Variants in CLUAP1 observed in about 807,000 individuals in gnomAD.
The protein encoded by CLUAP1 is clusterin-associated protein 1.
A neutral mutation model predicts 55.0 loss-of-function variants in CLUAP1; 50 were observed. The ratio of observed to expected loss-of-function variants is 0.91; its 90% CI spans 0.72 to 1.15. CLUAP1 has a LOEUF of 1.15. CLUAP1 is among the 50% of genes most tolerant of loss of function. CLUAP1 has a pLI of 0.00. For missense variants in CLUAP1, 530 were observed against 507.6 expected (o/e 1.04, Z -0.42); for synonymous variants, 195 against 175.4 (o/e 1.11, Z -0.88).
intron 9 of CLUAP1, among the ~76,000 whole-genome samples, chr16:3,527,819 T>G (rs1361603148): frequency 6.6e-6 from 1 of 152,158 alleles, no homozygotes; most frequent in Non-Finnish European, 1.5e-5. Context: ...TCTCTCTGCC[T>G]CAGCTGCCAG....
rs141100270 is a variant in CLUAP1, at chr16:3,512,177, A to C, written c.400-206A>C. Among the ~76,000 whole-genome samples the C allele has an allele frequency of 4.6e-3, 586 of 127,436 alleles. 9 individuals are homozygous for C. The highest frequency in any genetic ancestry group is 0.046 in the East Asian group (200 of 4,392). The allele number at this position is 127,436 out of a possible 152,430, so 83.6% of individuals were successfully genotyped here. On this transcript the variant is annotated intron_variant, in intron 4 of 11. Coordinates refer to ENST00000576634, the MANE Select transcript of CLUAP1 (RefSeq NM_015041.3). ...CTCCAGCCTAGGCAACAAGAACGAA[A>C]CTCCGTCTCAAAAAAAAAAAAAAAA...
At position 3,526,467 on chromosome 16, in the gene CLUAP1, G is replaced by A. The variant is rs142437945; in HGVS notation, c.911G>A (p.Arg304His). 3.8e-5 allele frequency: 61 copies of A among 1,607,718 alleles called. No individual in the cohort carries two copies. The highest frequency in any genetic ancestry group is 1.3e-4 in the African/African-American group (10 of 74,542). ...AACAAGCTCAAGGAGGAAGAGAAGC[G>A]CCTGCTCAAGAGTGGAAGTAAGGCT... is the stretch of plus-strand genomic sequence containing the variant. Reference protein sequence around the residue: ...IQNKLKEEEKRLLKSGSNDDS... With the variant: ...IQNKLKEEEKHLLKSGSNDDS... The change falls in exon 9 of 12, where the codon CGC becomes CAC. Residue 304 changes from arginine to histidine, a missense_variant. Arg to His is a conservative substitution (Grantham distance 29, BLOSUM62 0). Coordinates refer to ENST00000576634, the MANE Select transcript of CLUAP1 (RefSeq NM_015041.3).
intron 9 of CLUAP1, among the ~76,000 whole-genome samples, chr16:3,526,848 T>C (rs1407510054): frequency 6.6e-6 from 1 of 152,188 alleles, no homozygotes; most frequent in Non-Finnish European, 1.5e-5. Context: ...TTATATATGA[T>C]GCGTAACTAT....
At chr16:3,519,858 C>A in intron 6 of CLUAP1, 45 bp from the exon 7 acceptor site, 1 of 1,540,000 alleles carries the variant, frequency 6.5e-7, no homozygotes. Flanking sequence ...ATTAGGATGG[C>A]TGTTTTTATT....
At chr16:3,518,642 C>T (rs566646102) in intron 6 of CLUAP1, among the ~76,000 whole-genome samples, 1 of 152,322 alleles carries the variant, frequency 6.6e-6, no homozygotes, top group Non-Finnish European at 1.5e-5. Context: ...ACCCACCTTT[C>T]TTCCTGTGAG....
intron 6 of CLUAP1, among the ~76,000 whole-genome samples, chr16:3,518,877 T>C (rs1365284334): frequency 6.6e-6 from 1 of 152,116 alleles, no homozygotes; most frequent in Admixed American, 6.5e-5. Context: ...GTGGAGCCCA[T>C]AGCTTTTCAG....
chr16:3,530,157 G>C (rs910605571), intron 9 of CLUAP1, among the ~76,000 whole-genome samples: 3 of 151,528 alleles, frequency 2.0e-5, no homozygotes, highest in Admixed American at 1.3e-4. Context: ...TTTATAACCA[G>C]CATTAATCCA....
chr16:3,506,273 C>G, intron 2 of CLUAP1, 58 bp from the exon 3 acceptor site: 1 of 1,395,200 alleles, frequency 7.2e-7, no homozygotes, highest in Non-Finnish European at 1.0e-6. Flanking sequence ...CCCACATTCT[C>G]TTTAGTAGAC....
intron 9 of CLUAP1, among the ~76,000 whole-genome samples, chr16:3,529,529 A>G (rs1414487256): frequency 5.1e-5 from 3 of 58,812 alleles, no homozygotes; most frequent in African/African-American, 2.5e-4. Flanking sequence ...ATATATTATT[A>G]TATGTTATAT....
rs1329498449 is a variant in CLUAP1, at chr16:3,529,700, A to ATTC, written c.929-866_929-865insCTT. ...TATTATATATTATTATATATTATAT[A>ATTC]TTATATATTATATAATATTATATAT... On this transcript the variant is annotated intron_variant, in intron 9 of 11. Coordinates refer to ENST00000576634, the MANE Select transcript of CLUAP1 (RefSeq NM_015041.3). 1.7e-3 allele frequency among the ~76,000 whole-genome samples: 47 copies of ATTC among 26,946 alleles called. 3 individuals carry two copies. Among genetic ancestry groups the ATTC allele is most frequent in the African/African-American group, 9.4e-3 (43 of 4,568 alleles). The allele number at this position is 26,946 out of a possible 152,430, so 17.7% of individuals were successfully genotyped here.
intron 2 of CLUAP1, 150 bp from the exon 3 acceptor site, chr16:3,506,181 C>A: frequency 1.6e-6 from 1 of 629,816 alleles, no homozygotes; most frequent in Non-Finnish European, 2.9e-6. Context: ...TTTGGTTTTG[C>A]TTTTGAAGTT....
intron 6 of CLUAP1, among the ~76,000 whole-genome samples, chr16:3,517,803 A>C (rs1475356417): frequency 6.6e-6 from 1 of 152,228 alleles, no homozygotes; most frequent in Non-Finnish European, 1.5e-5. Flanking sequence ...TAATGAGACA[A>C]AGCCGGATTG....
intron 7 of CLUAP1, among the ~76,000 whole-genome samples, chr16:3,521,067 G>A (rs1279263555): frequency 1.3e-5 from 2 of 151,880 alleles, no homozygotes; most frequent in East Asian, 1.9e-4. Flanking sequence ...TGGAGGCAGC[G>A]ACAGCAACCA....
rs1314639696 is a variant in CLUAP1 at position 3,529,738 on chromosome 16, T to A, written c.929-830T>A. Among the ~76,000 whole-genome samples the A allele has an allele frequency of 2.2e-4, 5 of 23,172 alleles. 1 individual carries two copies. Among genetic ancestry groups the A allele is most frequent in the Non-Finnish European group, 2.6e-4 (4 of 15,100 alleles). The allele number at this position is 23,172 out of a possible 152,430, so 15.2% of individuals were successfully genotyped here. A position where few individuals can be genotyped will look rare whatever the true frequency, so the allele number is the denominator to read the frequency against. ...TAATATTATATATTATATATATTAT[T>A]ATATATTATATATTATATAATATAT... On this transcript the variant is annotated intron_variant, in intron 9 of 11. Coordinates refer to ENST00000576634, the MANE Select transcript of CLUAP1 (RefSeq NM_015041.3).
chr16:3,531,654 G>T (rs988193727), intron 10 of CLUAP1, among the ~76,000 whole-genome samples: 4 of 152,090 alleles, frequency 2.6e-5, no homozygotes, highest in African/African-American at 9.7e-5. Flanking sequence ...GGCCAGGGTG[G>T]GTGTGTCTTT....
chr16:3,503,842 T>C (rs2037454533), intron 1 of CLUAP1, among the ~76,000 whole-genome samples: 1 of 152,214 alleles, frequency 6.6e-6, no homozygotes, highest in South Asian at 2.1e-4. Flanking sequence ...GTGCTCACAC[T>C]TTCTGTTTCA....
chr16:3,529,183 A>G (rs550255843), intron 9 of CLUAP1, among the ~76,000 whole-genome samples: 29 of 151,432 alleles, frequency 1.9e-4, no homozygotes, highest in Non-Finnish European at 3.2e-4. Context: ...AAAATACCTA[A>G]CATAATGCCT....
chr16:3,495,595 G>T, the CLUAP1 span: 1 of 1,363,186 alleles, frequency 7.3e-7, no homozygotes, highest in Non-Finnish European at 9.7e-7. Flanking sequence ...AGTGCCCAAG[G>T]CAAGGGCAGG....
Position 3,536,497 on chromosome 16 carries a change from C to T in CLUAP1, c.*226C>T, listed in dbSNP as rs1489810101. 2.2e-6 allele frequency: 1 copy of T among 454,284 alleles called. No homozygotes were observed. The highest frequency in any genetic ancestry group is 1.9e-5 in the African/African-American group (1 of 51,514). The allele number at this position is 454,284 out of a possible 1,614,324, so 28.1% of individuals were successfully genotyped here. On this transcript the variant is annotated 3_prime_UTR_variant, in exon 12 of 12. Coordinates refer to ENST00000576634, the MANE Select transcript of CLUAP1 (RefSeq NM_015041.3). ...ATTTATTTTTTTCCACCTTATTTAT[C>T]TTCTAAAACTTGAGGAATGCATGTG...
Sources: gnomAD v4.1 joint callset for allele counts (sites outside exome capture counted in the v4.1 genomes callset) on GRCh38, gnomAD v4.1.1 for gene constraint, MANE v1.5 for transcripts, NCBI Gene and HGNC (gene_info 2026-07-23, HGNC 2026-07-21) for gene names.